The following ATG13 variants were observed in gnomAD, a reference collection of about 807,000 sequenced individuals.
The protein encoded by ATG13 is autophagy related 13, also known as autophagy-related protein 13.
ATG13 carries 23 observed loss-of-function variants against 65.5 expected under a neutral mutation model. The ratio of observed to expected loss-of-function variants is 0.35; its 90% CI spans 0.25 to 0.50. The LOEUF is 0.50. ATG13 is among the 20% of genes least tolerant of loss of function. The pLI, the probability that ATG13 is intolerant of heterozygous loss-of-function variation, is 0.98. For synonymous variants in ATG13, 252 were observed against 245.2 expected (o/e 1.03, Z -0.26); for missense variants, 566 against 677.0 (o/e 0.84, Z 1.82).
chr11:46,618,842 A>G (rs1230698638), intron 1 of ATG13, among the ~76,000 whole-genome samples: 1 of 151,952 alleles, frequency 6.6e-6, no homozygotes, highest in African/African-American at 2.4e-5. Context: ...ATTAGAGATA[A>G]GGTATTGCTG....
Position 46,669,370 on chromosome 11 carries a change from G to A in ATG13, c.1447-34G>A, listed in dbSNP as rs376440476. On this transcript the variant is annotated intron_variant, in intron 17 of 18. Coordinates refer to ENST00000683050, the MANE Select transcript of ATG13 (RefSeq NM_001346311.2). ...ATAGCTTATCTCCTCTGTGGTTCAA[G>A]GCAAGCTAAACTGACTCTGTCTTGT... 34 of 1,612,548 alleles carry A rather than the reference G, an allele frequency of 2.1e-5. 2 individuals carry two copies. Among genetic ancestry groups the A allele is most frequent in the Admixed American group, 1.8e-4 (11 of 59,980 alleles).
intron 18 of ATG13, 96 bp downstream of exon 18, chr11:46,669,628 T>G: frequency 7.1e-7 from 1 of 1,407,362 alleles, no homozygotes; most frequent in South Asian, 1.3e-5. Context: ...ATCTTCCCTG[T>G]AATAGGAAAG....
chr11:46,648,807 A>T, intron 5 of ATG13: 1 of 158,588 alleles, frequency 6.3e-6, no homozygotes, highest in Non-Finnish European at 1.4e-5. Context: ...AAAGAGAGAG[A>T]GAGAAACAAC....
intron 2 of ATG13, among the ~76,000 whole-genome samples, chr11:46,632,997 A>G (rs2052381407): frequency 8.9e-6 from 1 of 112,040 alleles, no homozygotes; most frequent in South Asian, 2.8e-4. Context: ...ACCCCCATTA[A>G]AAAAAAATAT....
chr11:46,624,546 ATAT>A (rs767116194), intron 1 of ATG13, among the ~76,000 whole-genome samples: 7 of 150,740 alleles, frequency 4.6e-5, no homozygotes, highest in Non-Finnish European at 7.4e-5. Context: ...CGAGCCCATT[ATAT>A]TATTAAATTT....
At chr11:46,638,330 A>C (rs1399443961) in intron 2 of ATG13, among the ~76,000 whole-genome samples, 1 of 152,080 alleles carries the variant, frequency 6.6e-6, no homozygotes, top group South Asian at 2.1e-4. Context: ...CCAGCTACTC[A>C]GGGAGGCTGA....
intron 1 of ATG13, among the ~76,000 whole-genome samples, chr11:46,623,520 C>T (rs1330317768): frequency 2.6e-5 from 4 of 151,458 alleles, no homozygotes; most frequent in Non-Finnish European, 4.4e-5. Flanking sequence ...CTCTGCCTCC[C>T]GGGTTCAAGC....
intron 1 of ATG13, among the ~76,000 whole-genome samples, chr11:46,627,523 T>C (rs1034837378): frequency 1.3e-5 from 2 of 151,924 alleles, no homozygotes; most frequent in African/African-American, 2.4e-5. Context: ...CAGGCTGGAG[T>C]GCAATGGCGC....
rs761593192 is a variant in ATG13 at position 46,665,406 on chromosome 11, T to C, written c.1023T>C (p.Gly341=). ...PHQLMVPGKE[G]GVPLAPNQPV... is the part of the protein sequence containing the mutation. ...AGCTGATGGTTCCTGGGAAGGAAGGTGGGGTACCCCTTGCTCCCAACCAGC... is the reference window on the plus strand; with the variant it reads ...AGCTGATGGTTCCTGGGAAGGAAGGCGGGGTACCCCTTGCTCCCAACCAGC... Residue 341 remains glycine, a synonymous_variant, in exon 14 of 19, where the codon GGT becomes GGC. Transcript: ENST00000683050. 6.2e-7 allele frequency: 1 copy of C among 1,614,042 alleles called. No individual in the cohort carries two copies. The highest frequency in any genetic ancestry group is 2.2e-5 in the East Asian group (1 of 44,870).
In ATG13 at chr11:46,668,577, G is replaced by A. The variant is rs1197272889; in HGVS notation, c.1329+1G>A. On this transcript the variant is annotated splice_donor_variant, in intron 16 of 18. Coordinates refer to ENST00000683050, the MANE Select transcript of ATG13 (RefSeq NM_001346311.2). LOFTEE classifies it high-confidence loss of function. ...GGAGCTGGAGGATACCGATCCAATG[G>A]TGAGCCCACCGTTGACTACGAGTTC... 1 of 1,614,038 alleles carries A rather than the reference G, an allele frequency of 6.2e-7. No homozygotes were observed. Among genetic ancestry groups the A allele is most frequent in the South Asian group, 1.1e-5 (1 of 91,078 alleles).
Position 46,667,758 on chromosome 11 carries a change from A to G in ATG13, c.1137-15A>G. Reference sequence around the variant, plus strand: ...TGGTTTGAGAACGAGTACTAACTTCACCTTTCTCCTCCAGTGAGGATACTG... The same window carrying G: ...TGGTTTGAGAACGAGTACTAACTTCGCCTTTCTCCTCCAGTGAGGATACTG... On this transcript the variant is annotated splice_polypyrimidine_tract_variant and intron_variant, in intron 14 of 18. Transcript: ENST00000683050. The G allele has an allele frequency of 1.3e-6, 2 of 1,577,942 alleles. No homozygotes were observed. Among genetic ancestry groups the G allele is most frequent in the Non-Finnish European group, 1.7e-6 (2 of 1,149,572 alleles).
chr11:46,656,438 C>A, intron 8 of ATG13, 165 bp downstream of exon 8: 1 of 572,956 alleles, frequency 1.7e-6, no homozygotes, highest in Non-Finnish European at 2.9e-6. Flanking sequence ...TACCCCTGAT[C>A]TGCCAGGGTA....
intron 7 of ATG13, among the ~76,000 whole-genome samples, chr11:46,655,008 A>G (rs753179568): frequency 7.2e-5 from 11 of 152,154 alleles, no homozygotes; most frequent in Admixed American, 2.6e-4. Context: ...CTGAGGCACA[A>G]GAATCGCTTG....
rs2064000362 is a variant in ATG13, at chr11:46,672,585, G to A, written c.*253G>A. On this transcript the variant is annotated 3_prime_UTR_variant, in exon 19 of 19. Transcript: ENST00000683050. ...ATGGGAAGAACCTTCGTACGAAAAA[G>A]CCCTCAGCAGGGCCATCTGTGTGCC... 2.8e-6 allele frequency: 4 copies of A among 1,418,240 alleles called. No individual in the cohort carries two copies. The highest frequency in any genetic ancestry group is 3.7e-6 in the Non-Finnish European group (4 of 1,075,926). The allele number at this position is 1,418,240 out of a possible 1,614,324, so 87.9% of individuals were successfully genotyped here. A position where few individuals can be genotyped will look rare whatever the true frequency, so the allele number is the denominator to read the frequency against.
chr11:46,641,241 T>A (rs931006560), intron 2 of ATG13, among the ~76,000 whole-genome samples: 2 of 152,260 alleles, frequency 1.3e-5, no homozygotes, highest in South Asian at 4.1e-4. Context: ...CCAGCTAATT[T>A]TTGTATTTTT....
intron 1 of ATG13, among the ~76,000 whole-genome samples, chr11:46,623,886 C>CTAT (rs1387679965): frequency 6.6e-6 from 1 of 151,100 alleles, no homozygotes; most frequent in African/African-American, 2.4e-5. Context: ...TATTGTATAA[C>CTAT]TATTATTTTT....
intron 7 of ATG13, among the ~76,000 whole-genome samples, chr11:46,655,981 G>A (rs186900478): frequency 4.6e-5 from 7 of 152,200 alleles, no homozygotes; most frequent in South Asian, 2.1e-4. Flanking sequence ...TGATCCTCCC[G>A]AAGTGCTGGG....
intron 1 of ATG13, chr11:46,620,975 GAAAGAAATAGT>G (rs1367869579): frequency 2.0e-5 from 3 of 152,064 alleles, no homozygotes; most frequent in Admixed American, 6.5e-5. Context: ...TCATACATGT[GAAAGAAATAGT>G]AAAGAAATAG....
In ATG13 at chr11:46,645,377, G is replaced by T. The variant is rs2136286147; in HGVS notation, c.108G>T (p.Lys36Asn). The stretch of plus-strand genomic sequence containing the variant: ...TTGTCCAGGCTCGGCTTGGTGAAAA[G>T]ATTTGCACTCGTTCATCATCTTCTC... ...QVIVQARLGEKICTRSSSSPT... is the reference protein window; with the variant it reads ...QVIVQARLGENICTRSSSSPT... The change falls in exon 4 of 19, where the codon AAG (lysine) becomes AAT (asparagine). Residue 36 changes from lysine to asparagine, a missense_variant. Coordinates refer to ENST00000683050, the MANE Select transcript of ATG13 (RefSeq NM_001346311.2). The T allele has an allele frequency of 6.2e-7, 1 of 1,613,628 alleles. No homozygotes were observed. Among genetic ancestry groups the T allele is most frequent in the Non-Finnish European group, 8.5e-7 (1 of 1,179,904 alleles).
Sources: allele counts gnomAD v4.1 joint callset (sites outside exome capture counted in the v4.1 genomes callset), GRCh38; gene constraint gnomAD v4.1.1; transcripts MANE v1.5; gene names NCBI Gene and HGNC (gene_info 2026-07-23, HGNC 2026-07-21).